PCDHGC3: variants seen among roughly 807,000 people sequenced by gnomAD.
The protein encoded by PCDHGC3 is protocadherin gamma-C3.
A neutral mutation model predicts 59.2 loss-of-function variants in PCDHGC3; 26 were observed. The ratio of observed to expected loss-of-function variants is 0.44; its 90% CI spans 0.32 to 0.61. The LOEUF (loss-of-function observed/expected upper bound fraction) is 0.61. Among genes scored for constraint, PCDHGC3 ranks in the 20% least tolerant of loss-of-function variants. The pLI is 0.05. For synonymous variants in PCDHGC3, 487 were observed against 519.7 expected, an observed-to-expected ratio of 0.94 and a Z score of 0.86; for missense variants, 1,080 against 1,221.8, an observed-to-expected ratio of 0.88 and a Z score of 1.73.
rs757308340 is a variant in PCDHGC3, at chr5:141,487,575, G to A, written c.2431-7232G>A. ...GCACCTATGGCAGGGGAGCCTGTTC[G>A]CCCAAGCTGCCCACCCTCTGATCTT... On this transcript the variant is annotated intron_variant, in intron 1 of 3. Coordinates refer to ENST00000308177, the MANE Select transcript of PCDHGC3 (RefSeq NM_002588.4). This position sits in a 1 kb window ranked among gnomAD's most constrained non-coding sequence, Gnocchi z 5.0. The A allele has an allele frequency of 3.1e-6, 5 of 1,614,018 alleles. No homozygotes were observed. In the African/African-American group the frequency reaches 4.0e-5, roughly 13 times the overall value.
In PCDHGC3 at chr5:141,512,267, G is replaced by C. The variant is rs2099884152; in HGVS notation, c.*1094G>C. On this transcript the variant is annotated 3_prime_UTR_variant, in exon 4 of 4. Coordinates refer to ENST00000308177, the MANE Select transcript of PCDHGC3 (RefSeq NM_002588.4). ...GCCTCTGTGGGTGCTGGGTACTCCA[G>C]AGGTGCCACTGGTGGAAGGGTCAGC... 2.6e-5 allele frequency: 4 copies of C among 152,744 alleles called. No homozygotes were observed. Among genetic ancestry groups the C allele is most frequent in the Admixed American group, 2.6e-4 (4 of 15,290 alleles). 9.5% of individuals were successfully genotyped at this position (152,744 alleles called of 1,614,324 possible). A position where few individuals can be genotyped will look rare whatever the true frequency, so the allele number is the denominator to read the frequency against.
intron 1 of PCDHGC3, among the ~76,000 whole-genome samples, chr5:141,484,837 T>C (rs1289449270): frequency 6.6e-6 from 1 of 151,620 alleles, no homozygotes; most frequent in Non-Finnish European, 1.5e-5. Context: ...GGCGAAAAGA[T>C]AGGCTGGGTT....
At position 141,477,210 on chromosome 5, in the gene PCDHGC3, C is replaced by G. The variant is rs780852225; in HGVS notation, c.1094C>G (p.Ala365Gly). 1.2e-6 allele frequency: 2 copies of G among 1,614,142 alleles called. No individual in the cohort carries two copies. The highest frequency in any genetic ancestry group is 1.7e-6 in the Non-Finnish European group (2 of 1,180,030). The change falls in exon 1 of 4, where the codon GCC (alanine) becomes GGC (glycine). Residue 365 changes from alanine to glycine, a missense_variant. Ala to Gly is a moderately conservative substitution (Grantham distance 60, BLOSUM62 0). Coordinates refer to ENST00000308177, the MANE Select transcript of PCDHGC3 (RefSeq NM_002588.4). The surrounding 1 kb of genome is among the most constrained non-coding windows in gnomAD (Gnocchi z 4.9). ...TSVYSPVPED[A>G]PLGTVIALLS... ...GTGTACAGCCCAGTACCCGAGGATG[C>G]CCCTCTGGGGACTGTCATCGCTTTG...
In PCDHGC3 at chr5:141,490,081, T is replaced by A; in HGVS notation, c.2431-4726T>A. Reference sequence around the variant, plus strand: ...CACCAACGGCCAACTAGACTATTCTTTTGGAGACCACACATCTGAGGCAGT... The same window carrying A: ...CACCAACGGCCAACTAGACTATTCTATTGGAGACCACACATCTGAGGCAGT... On this transcript the variant is annotated intron_variant, in intron 1 of 3. Coordinates refer to ENST00000308177, the MANE Select transcript of PCDHGC3 (RefSeq NM_002588.4). The surrounding 1 kb of genome is among the most constrained non-coding windows in gnomAD (Gnocchi z 5.4). 3 of 1,614,216 alleles carry A rather than the reference T, an allele frequency of 1.9e-6. No homozygotes were observed. Among genetic ancestry groups the A allele is most frequent in the Non-Finnish European group, 2.5e-6 (3 of 1,180,040 alleles).
Position 141,510,956 on chromosome 5 carries a change from A to T in PCDHGC3, c.2588A>T (p.Asp863Val). 1 of 1,614,104 alleles carries T rather than the reference A, an allele frequency of 6.2e-7. No homozygotes were observed. The highest frequency in any genetic ancestry group is 8.5e-7 in the Non-Finnish European group (1 of 1,179,996). The change falls in exon 4 of 4, where the codon GAT becomes GTT. Residue 863 changes from aspartate to valine, a missense_variant. Asp to Val is a radical substitution (Grantham distance 152). Transcript: ENST00000308177. ...MILASASEAA[D>V]GSSTLGGGAG... ...TCCTCTGTCTCTGCAGAAGCTGCTG[A>T]TGGGAGCTCCACCCTGGGAGGGGGT...
At chr5:141,483,745 T>C (rs1288301129) in intron 1 of PCDHGC3, among the ~76,000 whole-genome samples, 1 of 152,130 alleles carries the variant, frequency 6.6e-6, no homozygotes, top group Non-Finnish European at 1.5e-5. Flanking sequence ...AGGATATTCC[T>C]GAGGATCGAG....
At chr5:141,492,509 C>T (rs1276866000) in intron 1 of PCDHGC3, among the ~76,000 whole-genome samples, 1 of 152,216 alleles carries the variant, frequency 6.6e-6, no homozygotes, top group African/African-American at 2.4e-5. Context: ...CCGGAGCCTC[C>T]TCTCACCTCT....
At position 141,511,373 on chromosome 5, in the gene PCDHGC3, G is replaced by C. The variant is rs1361376059; in HGVS notation, c.*200G>C. 16 of 1,251,214 alleles carry C rather than the reference G, an allele frequency of 1.3e-5. No homozygotes were observed. Among genetic ancestry groups the C allele is most frequent in the Non-Finnish European group, 1.4e-5 (13 of 925,282 alleles). The allele number at this position is 1,251,214 out of a possible 1,614,324, so 77.5% of individuals were successfully genotyped here. A position where few individuals can be genotyped will look rare whatever the true frequency, so the allele number is the denominator to read the frequency against. ...CCCCCAGGGGGTTGAATATGCAAAAGCAGTTCCGCTGGGAACCCCCATCCA... is the reference window on the plus strand; with the variant it reads ...CCCCCAGGGGGTTGAATATGCAAAACCAGTTCCGCTGGGAACCCCCATCCA... On this transcript the variant is annotated 3_prime_UTR_variant, in exon 4 of 4. Transcript: ENST00000308177.
rs1043628660 is a variant in PCDHGC3, at chr5:141,478,879, G to A, written c.2430+333G>A. On this transcript the variant is annotated intron_variant, in intron 1 of 3. Coordinates refer to ENST00000308177, the MANE Select transcript of PCDHGC3 (RefSeq NM_002588.4). ...GATCTCAGCGATCAGAGTTTAGCTT[G>A]GTATCATTTACATTAGGAATAAGCT... is the stretch of plus-strand genomic sequence containing the variant. 9 of 1,243,630 alleles carry A rather than the reference G, an allele frequency of 7.2e-6. No homozygotes were observed. The African/African-American group carries it at 1.1e-4, about 15-fold the overall frequency. The allele number at this position is 1,243,630 out of a possible 1,614,324, so 77.0% of individuals were successfully genotyped here.
At position 141,478,444 on chromosome 5, in the gene PCDHGC3, T is replaced by C. The variant is rs1190996745; in HGVS notation, c.2328T>C (p.Pro776=). ...SRRSDPLLKK[P]GAASPLASRQ... ...GCAGCGACCCGCTGCTGAAGAAACC[T>C]GGTGCAGCCAGTCCACTGGCCAGCC... The change falls in exon 1 of 4, where the codon CCT becomes CCC. Residue 776 remains proline, a synonymous_variant. Transcript: ENST00000308177. The C allele has an allele frequency of 6.2e-7, 1 of 1,613,478 alleles. No homozygotes were observed. Among genetic ancestry groups the C allele is most frequent in the Non-Finnish European group, 8.5e-7 (1 of 1,179,956 alleles).
At position 141,477,055 on chromosome 5, in the gene PCDHGC3, G is replaced by A. The variant is rs531755338; in HGVS notation, c.939G>A (p.Glu313=). ...MLTIKGRLDF[E]DTKLHEIYIQ... Reference sequence around the variant, plus strand: ...CAATCAAGGGTCGGCTGGACTTCGAGGACACCAAACTCCATGAGATTTACA... The same window carrying A: ...CAATCAAGGGTCGGCTGGACTTCGAAGACACCAAACTCCATGAGATTTACA... The change falls in exon 1 of 4, where the codon GAG becomes GAA. Residue 313 remains glutamate (E), a synonymous_variant. Transcript: ENST00000308177. This position sits in a 1 kb window ranked among gnomAD's most constrained non-coding sequence, Gnocchi z 4.9. The A allele has an allele frequency of 4.5e-5, 72 of 1,614,242 alleles. 1 individual carries two copies. In the South Asian group the frequency reaches 7.8e-4, roughly 17 times the overall value.
intron 2 of PCDHGC3, among the ~76,000 whole-genome samples, chr5:141,502,866 C>CTCTTTTTT (rs1554188502): frequency 2.3e-5 from 3 of 128,046 alleles, no homozygotes; most frequent in Non-Finnish European, 3.2e-5. Flanking sequence ...GACTCTCTGT[C>CTCTTTTTT]TTTTTTTTTT....
In PCDHGC3 at chr5:141,478,553, T is replaced by C; in HGVS notation, c.2430+7T>C. Reference sequence around the variant, plus strand: ...GAGCGCCCCTCCCGGACAGGTAAGGTTTAGCAAGTCATGCTTGACCCTGTT... The same window carrying C: ...GAGCGCCCCTCCCGGACAGGTAAGGCTTAGCAAGTCATGCTTGACCCTGTT... On this transcript the variant is annotated splice_region_variant and intron_variant, in intron 1 of 3. Transcript: ENST00000308177. 6.2e-7 allele frequency: 1 copy of C among 1,602,704 alleles called. No individual in the cohort carries two copies.
rs1596285501 is a variant in PCDHGC3, at chr5:141,510,367, C to A, written c.2579-580C>A. Among the ~76,000 whole-genome samples the A allele has an allele frequency of 5.0e-5, 7 of 140,362 alleles. 1 individual carries two copies. In the South Asian group the frequency reaches 1.6e-3, roughly 31 times the overall value. The allele number at this position is 140,362 out of a possible 152,430, so 92.1% of individuals were successfully genotyped here. A position where few individuals can be genotyped will look rare whatever the true frequency, so the allele number is the denominator to read the frequency against. On this transcript the variant is annotated intron_variant, in intron 3 of 3. Transcript: ENST00000308177. ...ACACTTACTAACGGAACTACCGAAT[C>A]TCTACTCGTGCCAGGCCTTGCTTGG...
chr5:141,509,839 T>C (rs1277859334), intron 3 of PCDHGC3, among the ~76,000 whole-genome samples: 4 of 152,162 alleles, frequency 2.6e-5, no homozygotes, highest in Non-Finnish European at 5.9e-5. Context: ...CTACCTCCCA[T>C]TCACTCAGAA....
Position 141,486,453 on chromosome 5 carries a change from C to T in PCDHGC3, c.2430+7907C>T, listed in dbSNP as rs776820667. 6.2e-6 allele frequency: 10 copies of T among 1,614,114 alleles called. No homozygotes were observed. The highest frequency in any genetic ancestry group is 1.1e-5 in the South Asian group (1 of 91,082). On this transcript the variant is annotated intron_variant, in intron 1 of 3. Transcript: ENST00000308177. The surrounding 1 kb of genome is among the most constrained non-coding windows in gnomAD (Gnocchi z 5.0). ...TCTAGCTATGACATCATGGTCACTGCTTCTGATGCTGGGAACCCTCCTCTC... is the reference window on the plus strand; with the variant it reads ...TCTAGCTATGACATCATGGTCACTGTTTCTGATGCTGGGAACCCTCCTCTC...
Position 141,485,046 on chromosome 5 carries a change from G to A in PCDHGC3, c.2430+6500G>A. On this transcript the variant is annotated intron_variant, in intron 1 of 3. Transcript: ENST00000308177. This position sits in a 1 kb window ranked among gnomAD's most constrained non-coding sequence, Gnocchi z 5.7. ...AAAAACGGCGCGTAACCCTTGCGGCGCCGGCCGAACCGCGCCAGAGCTGGC... is the reference window on the plus strand; with the variant it reads ...AAAAACGGCGCGTAACCCTTGCGGCACCGGCCGAACCGCGCCAGAGCTGGC... 2 of 750,304 alleles carry A rather than the reference G, an allele frequency of 2.7e-6. No individual in the cohort carries two copies. The highest frequency in any genetic ancestry group is 4.5e-6 in the Non-Finnish European group (2 of 443,046). The allele number at this position is 750,304 out of a possible 1,614,324, so 46.5% of individuals were successfully genotyped here. A position where few individuals can be genotyped will look rare whatever the true frequency, so the allele number is the denominator to read the frequency against.
At position 141,489,635 on chromosome 5, in the gene PCDHGC3, G is replaced by C. The variant is rs1380466520; in HGVS notation, c.2431-5172G>C. 2 of 1,614,142 alleles carry C rather than the reference G, an allele frequency of 1.2e-6. No homozygotes were observed. The highest frequency in any genetic ancestry group is 3.3e-5 in the Admixed American group (2 of 60,016). ...CTGGATCTCAATGACAACTCTCCTAGCTTTGCCACCCCTGAGCGAGAGATG... is the reference window on the plus strand; with the variant it reads ...CTGGATCTCAATGACAACTCTCCTACCTTTGCCACCCCTGAGCGAGAGATG... On this transcript the variant is annotated intron_variant, in intron 1 of 3. Transcript: ENST00000308177. This position sits in a 1 kb window ranked among gnomAD's most constrained non-coding sequence, Gnocchi z 4.5.
Position 141,476,702 on chromosome 5 carries a change from C to CTGG in PCDHGC3, c.589_591dup (p.Val197dup), listed in dbSNP as rs1562056101. On this transcript the variant is annotated inframe_insertion, in exon 1 of 4. Coordinates refer to ENST00000308177, the MANE Select transcript of PCDHGC3 (RefSeq NM_002588.4). This position sits in a 1 kb window ranked among gnomAD's most constrained non-coding sequence, Gnocchi z 7.6. ...GGAGGACAGCACCAAGTACGCGGAG[C>CTGG]TGGTGTTGGAGCGCGCCCTGGACCG... 5 of 1,614,222 alleles carry CTGG rather than the reference C, an allele frequency of 3.1e-6. No homozygotes were observed. The highest frequency in any genetic ancestry group is 4.2e-6 in the Non-Finnish European group (5 of 1,180,042).
Sources: gnomAD v4.1 joint callset for allele counts (sites outside exome capture counted in the v4.1 genomes callset) on GRCh38, gnomAD v4.1.1 for gene constraint, Gnocchi (gnomAD v3.1) non-coding constraint, MANE v1.5 for transcripts, NCBI Gene and HGNC (gene_info 2026-07-23, HGNC 2026-07-21) for gene names.